The following SLC12A4 variants were observed in gnomAD, a reference collection of about 807,000 sequenced individuals.
SLC12A4 encodes electroneutral potassium-chloride cotransporter 1.
SLC12A4 carries 84 observed loss-of-function variants against 119.2 expected under a neutral mutation model. The ratio of observed to expected loss-of-function variants is 0.70; its 90% CI spans 0.59 to 0.85. The LOEUF is 0.85. Ranked by LOEUF, SLC12A4 falls within the 40% of genes least tolerant of loss-of-function variation. The probability of loss-of-function intolerance (pLI) is 0.00; values close to 1 mark genes in which losing one functional copy is unlikely to be tolerated. For missense variants in SLC12A4, 1,298 were observed against 1,476.3 expected, an observed-to-expected ratio of 0.88 and a Z score of 1.98; for synonymous variants, 599 against 604.6, an observed-to-expected ratio of 0.99 and a Z score of 0.14.
chr16:67,957,376 G>A (rs991238009), intron 5 of SLC12A4, among the ~76,000 whole-genome samples: 2 of 151,932 alleles, frequency 1.3e-5, no homozygotes, highest in Admixed American at 1.3e-4. Context: ...TCACCGTGTT[G>A]GCCAGGATGG....
At position 67,951,773 on chromosome 16, in the gene SLC12A4, C is replaced by T; in HGVS notation, c.1132+50G>A. ...CAAGGACAGCTCTGTGCTCTGTGCC[C>T]CTGCTCAGCCTGTGGGCTCAAGAGC... is the stretch of plus-strand genomic sequence containing the variant. On this transcript the variant is annotated intron_variant, in intron 8 of 23. Transcript: ENST00000316341. This position sits in a 1 kb window ranked among gnomAD's most constrained non-coding sequence, Gnocchi z 5.2. 6.7e-7 allele frequency: 1 copy of T among 1,497,752 alleles called. No homozygotes were observed. Among genetic ancestry groups the T allele is most frequent in the Non-Finnish European group, 9.1e-7 (1 of 1,096,424 alleles). 92.8% of individuals were successfully genotyped at this position (1,497,752 alleles called of 1,614,324 possible).
chr16:67,964,836 T>A (rs1203846399), intron 1 of SLC12A4, among the ~76,000 whole-genome samples: 1 of 152,252 alleles, frequency 6.6e-6, no homozygotes, highest in Non-Finnish European at 1.5e-5. Flanking sequence ...ATACATCTCT[T>A]GCTATCAGCA....
At chr16:67,963,259 A>C in intron 2 of SLC12A4, 1 of 351,066 alleles carries the variant, frequency 2.8e-6, no homozygotes, top group Non-Finnish European at 5.2e-6. Context: ...TGGAGGTAGC[A>C]ATGGGGGTGG....
chr16:67,950,451 CA>C lies in SLC12A4; in HGVS notation c.1496del (p.Leu499ArgfsTer52), dbSNP rs2058401648. On this transcript the variant is annotated frameshift_variant, in exon 12 of 24. Transcript: ENST00000316341. LOFTEE classifies it high-confidence loss of function. This position sits in a 1 kb window ranked among gnomAD's most constrained non-coding sequence, Gnocchi z 4.3. ...CGATGACCCAGGGTGAAGGCCAGGC[CA>C]GTGTGCCCACCACCAAGTTCCTGCT... ...GVSRNLVVGT[L>X]AWPSPWVIVI... 6.2e-7 allele frequency: 1 copy of C among 1,613,904 alleles called. No homozygotes were observed. Among genetic ancestry groups the C allele is most frequent in the African/African-American group, 1.3e-5 (1 of 74,926 alleles).
intron 1 of SLC12A4, among the ~76,000 whole-genome samples, chr16:67,964,913 C>A (rs1420112916): frequency 6.6e-6 from 1 of 152,210 alleles, no homozygotes; most frequent in East Asian, 1.9e-4. Context: ...GATTCTTTAT[C>A]CCCCAAGGAA....
At chr16:67,952,518 G>A (rs1308507110) in intron 6 of SLC12A4, 93 bp from the exon 7 acceptor site, 7 of 1,442,952 alleles carry the variant, frequency 4.9e-6, no homozygotes, top group Middle Eastern at 1.8e-4. Context: ...ACCTAAAAGA[G>A]GCCGGGCGCA....
At chr16:67,961,977 C>T (rs1389622495) in intron 2 of SLC12A4, among the ~76,000 whole-genome samples, 1 of 152,222 alleles carries the variant, frequency 6.6e-6, no homozygotes, top group African/African-American at 2.4e-5. Flanking sequence ...AACCACCTGC[C>T]TCAGGGGAGA....
rs376197615 is a variant in SLC12A4 at position 67,945,484 on chromosome 16, A to G, written c.2917T>C (p.Ser973Pro). 4.5e-5 allele frequency: 73 copies of G among 1,613,690 alleles called. No individual in the cohort carries two copies. Among genetic ancestry groups the G allele is most frequent in the Non-Finnish European group, 6.0e-5 (71 of 1,179,984 alleles). ...TGGATCTTGTCAGCCCCCACTGCAG[A>G]CTCATCTTCCTCGTCCGAGTACAGG... is the stretch of plus-strand genomic sequence containing the variant. ...ESLYSDEEDE[S>P]AVGADKIQMT... The change falls in exon 22 of 24, where the codon TCT (serine) becomes CCT (proline). Residue 973 changes from serine (S) to proline (P), a missense_variant. Coordinates refer to ENST00000316341, the MANE Select transcript of SLC12A4 (RefSeq NM_005072.5).
intron 2 of SLC12A4, 117 bp downstream of exon 2, chr16:67,963,348 G>C (rs572532670): frequency 1.9e-4 from 115 of 610,318 alleles, no homozygotes; most frequent in Non-Finnish European, 2.9e-4. Context: ...TGAGAACCAG[G>C]AACACAAGAG....
intron 6 of SLC12A4, 86 bp downstream of exon 6, chr16:67,954,557 G>A: frequency 6.5e-7 from 1 of 1,530,028 alleles, no homozygotes. Flanking sequence ...CAGACATGTG[G>A]GGATGAACAG....
chr16:67,948,023 G>C (rs1386011142), intron 14 of SLC12A4, 38 bp downstream of exon 14: 2 of 1,600,906 alleles, frequency 1.2e-6, no homozygotes, highest in Non-Finnish European at 1.7e-6. Flanking sequence ...GAGGCTCCTG[G>C]CCTCCCCAGG....
Position 67,945,853 on chromosome 16 carries a change from C to T in SLC12A4, c.2758G>A (p.Ala920Thr). 6.2e-7 allele frequency: 1 copy of T among 1,614,054 alleles called. No individual in the cohort carries two copies. Among genetic ancestry groups the T allele is most frequent in the South Asian group, 1.1e-5 (1 of 91,090 alleles). Residue 920 changes from alanine (A) to threonine (T), a missense_variant, in exon 21 of 24, where the codon GCA (alanine) becomes ACA (threonine). Transcript: ENST00000316341. ...VVEMHNSDIS[A>T]YTYERTLMME... Reference sequence around the variant, plus strand: ...ATCAGCGTCCGCTCGTAGGTGTATGCAGAGATGTCACTGTTATGCTGGGGA... The same window carrying T: ...ATCAGCGTCCGCTCGTAGGTGTATGTAGAGATGTCACTGTTATGCTGGGGA...
intron 1 of SLC12A4, chr16:67,964,092 C>A: frequency 6.6e-7 from 1 of 1,522,552 alleles, no homozygotes; most frequent in South Asian, 1.2e-5. Context: ...GCAGGGCAGC[C>A]CGGGGCATGC....
At chr16:67,954,202 G>GTA (rs1346452428) in intron 6 of SLC12A4, 2 of 366,982 alleles carry the variant, frequency 5.4e-6, no homozygotes, top group Non-Finnish European at 1.1e-5. Flanking sequence ...CTCCAGCAGG[G>GTA]TTCTGTGGCT....
Position 67,946,486 on chromosome 16 carries a change from AG to A in SLC12A4, c.2388del (p.Tyr797ThrfsTer50). 1 of 1,608,534 alleles carries A rather than the reference AG, an allele frequency of 6.2e-7. No homozygotes were observed. ...GGGTCCTCGCTCTGTCGCCAGCCGT[AG>A]GGCCAGCCCAGCACCACGGAGTTAT... is the stretch of plus-strand genomic sequence containing the variant. Reference protein sequence around the residue: ...MRHNSVVLGWPYGWRQSEDPR... With the variant: ...MRHNSVVLGWXYGWRQSEDPR... On this transcript the variant is annotated frameshift_variant, in exon 18 of 24. Transcript: ENST00000316341. LOFTEE classifies it high-confidence loss of function.
chr16:67,957,691 A>G, intron 5 of SLC12A4, 51 bp downstream of exon 5: 1 of 1,608,596 alleles, frequency 6.2e-7, no homozygotes. Flanking sequence ...AGGTCAAGGC[A>G]GATACTGGGT....
At chr16:67,954,452 G>A (rs927682825) in intron 6 of SLC12A4, among the ~76,000 whole-genome samples, 191 bp downstream of exon 6, 1 of 152,240 alleles carries the variant, frequency 6.6e-6, no homozygotes, top group Non-Finnish European at 1.5e-5. Flanking sequence ...GCCTTGCCTG[G>A]CCCAAACTGG....
Position 67,954,735 on chromosome 16 carries a change from GC to G in SLC12A4, c.582del (p.Pro195GlnfsTer31). 1 of 1,614,104 alleles carries G rather than the reference GC, an allele frequency of 6.2e-7. No homozygotes were observed. Among genetic ancestry groups the G allele is most frequent in the Non-Finnish European group, 8.5e-7 (1 of 1,180,000 alleles). On this transcript the variant is annotated frameshift_variant, in exon 6 of 24. Coordinates refer to ENST00000316341, the MANE Select transcript of SLC12A4 (RefSeq NM_005072.5). LOFTEE classifies it high-confidence loss of function. Reference protein sequence around the residue: ...GSYFMISRSLGPEFGGAVGLC... With the variant: ...GSYFMISRSLXPEFGGAVGLC... Reference sequence around the variant, plus strand: ...AGGCCCACAGCACCTCCAAATTCTGGCCCCAGTGAACGAGAGATCATGAAAT... The same window carrying G: ...AGGCCCACAGCACCTCCAAATTCTGGCCCAGTGAACGAGAGATCATGAAAT...
At chr16:67,966,432 T>A (rs866958400) in intron 1 of SLC12A4, among the ~76,000 whole-genome samples, 1 of 152,248 alleles carries the variant, frequency 6.6e-6, no homozygotes. Flanking sequence ...TAAATCTGAA[T>A]ATGGCCTAGG....
Sources: allele counts gnomAD v4.1 joint callset (sites outside exome capture counted in the v4.1 genomes callset), GRCh38; gene constraint gnomAD v4.1.1; non-coding constraint Gnocchi (gnomAD v3.1); transcripts MANE v1.5; gene names NCBI Gene and HGNC (gene_info 2026-07-23, HGNC 2026-07-21).